The following NMRK1 variants were observed in gnomAD, a reference collection of about 807,000 sequenced individuals.
The protein encoded by NMRK1 is nicotinamide riboside kinase 1.
A neutral mutation model predicts 29.9 loss-of-function variants in NMRK1; 28 were observed. The ratio of observed to expected loss-of-function variants is 0.94; its 90% CI spans 0.69 to 1.28. NMRK1 has a LOEUF of 1.28. Ranked by LOEUF, NMRK1 falls within the 50% of genes most tolerant of loss-of-function variation. NMRK1 has a pLI of 0.00. For synonymous variants in NMRK1, 58 were observed against 73.0 expected, an observed-to-expected ratio of 0.79 and a Z score of 1.05; for missense variants, 218 against 233.1, an observed-to-expected ratio of 0.94 and a Z score of 0.42.
At chr9:75,062,331 T>C (rs1360722175) in intron 8 of NMRK1, among the ~76,000 whole-genome samples, 1 of 147,984 alleles carries the variant, frequency 6.8e-6, no homozygotes, top group African/African-American at 2.4e-5. Flanking sequence ...TTATATTTTA[T>C]ATTTAATGAG....
At chr9:75,068,452 G>A (rs1039624306) in intron 7 of NMRK1, among the ~76,000 whole-genome samples, 1 of 152,088 alleles carries the variant, frequency 6.6e-6, no homozygotes, top group Non-Finnish European at 1.5e-5. Context: ...TTCTTTCAGG[G>A]GTTTCTCATT....
At chr9:75,073,086 A>G (rs1029247899) in intron 4 of NMRK1, among the ~76,000 whole-genome samples, 1 of 152,190 alleles carries the variant, frequency 6.6e-6, no homozygotes, top group Non-Finnish European at 1.5e-5. Flanking sequence ...TTACAGATAC[A>G]ATCAGTTAAG....
At chr9:75,068,404 C>G (rs1823491523) in intron 7 of NMRK1, among the ~76,000 whole-genome samples, 1 of 152,168 alleles carries the variant, frequency 6.6e-6, no homozygotes, top group African/African-American at 2.4e-5. Context: ...ATCCACTCCC[C>G]TGGTTTTCTT....
At chr9:75,067,747 G>A (rs535994341) in intron 7 of NMRK1, among the ~76,000 whole-genome samples, 1 of 152,314 alleles carries the variant, frequency 6.6e-6, no homozygotes, top group African/African-American at 2.4e-5. Flanking sequence ...GTCCAAGTTG[G>A]ACGTGGTGCA....
intron 6 of NMRK1, chr9:75,069,447 G>A (rs1050500613): frequency 4.2e-5 from 20 of 472,678 alleles, no homozygotes; most frequent in African/African-American, 3.6e-4. Flanking sequence ...TGTAGCTGTG[G>A]CAGAACAGGC....
chr9:75,066,667 A>G, intron 8 of NMRK1, 90 bp downstream of exon 8: 1 of 805,512 alleles, frequency 1.2e-6, no homozygotes, highest in Non-Finnish European at 2.2e-6. Context: ...CTCCTACACT[A>G]GCATTCTGGT....
At chr9:75,082,547 C>T (rs1269546371) in intron 2 of NMRK1, among the ~76,000 whole-genome samples, 2 of 152,080 alleles carry the variant, frequency 1.3e-5, no homozygotes, top group Non-Finnish European at 2.9e-5. Context: ...TGCATGCCTG[C>T]CTATGGCACC....
At chr9:75,065,966 A>T (rs947760548) in intron 8 of NMRK1, among the ~76,000 whole-genome samples, 5 of 152,222 alleles carry the variant, frequency 3.3e-5, no homozygotes, top group Admixed American at 6.5e-5. Flanking sequence ...TGTTGTCAAC[A>T]GACATCAGGT....
chr9:75,069,740 A>G lies in NMRK1; in HGVS notation c.389+2T>C, dbSNP rs1350229925. The G allele has an allele frequency of 6.2e-7, 1 of 1,607,766 alleles. No individual in the cohort carries two copies. The highest frequency in any genetic ancestry group is 1.7e-5 in the Admixed American group (1 of 59,050). Reference sequence around the variant, plus strand: ...ACTCACAAAGATGGCTTCAAAACTTACCTCCTCCTCCTTTTACATTCTTCA... The same window carrying G: ...ACTCACAAAGATGGCTTCAAAACTTGCCTCCTCCTCCTTTTACATTCTTCA... On this transcript the variant is annotated splice_donor_variant, in intron 6 of 8. Transcript: ENST00000361092. LOFTEE classifies it high-confidence loss of function.
intron 1 of NMRK1, 144 bp from the exon 2 acceptor site, chr9:75,083,294 C>T (rs970839312): frequency 1.1e-5 from 7 of 618,428 alleles, no homozygotes; most frequent in African/African-American, 7.3e-5. Context: ...TCCACATTCC[C>T]GCCGCACTGG....
rs1458778266 is a variant in NMRK1 at position 75,077,591 on chromosome 9, G to T, written c.30-11C>A. The T allele has an allele frequency of 1.3e-6, 2 of 1,589,544 alleles. No homozygotes were observed. The highest frequency in any genetic ancestry group is 2.7e-5 in the African/African-American group (2 of 73,672). ...CCACTGTTTGTCACACTGAAGCAAA[G>T]AAAAAAGAAAGTACCAAGAAGGAAA... On this transcript the variant is annotated splice_polypyrimidine_tract_variant and intron_variant, in intron 2 of 8. Coordinates refer to ENST00000361092, the MANE Select transcript of NMRK1 (RefSeq NM_017881.3).
At chr9:75,062,761 G>T (rs1475686736) in intron 8 of NMRK1, among the ~76,000 whole-genome samples, 1 of 152,198 alleles carries the variant, frequency 6.6e-6, no homozygotes, top group Non-Finnish European at 1.5e-5. Context: ...GCTGAGCATG[G>T]TGGCTGATGC....
chr9:75,075,475 G>T (rs2118148592), intron 4 of NMRK1, among the ~76,000 whole-genome samples: 1 of 152,238 alleles, frequency 6.6e-6, no homozygotes, highest in Admixed American at 6.5e-5. Context: ...TTCCTAAAAG[G>T]TTATCAGTTA....
At chr9:75,073,222 G>C (rs1823799541) in intron 4 of NMRK1, among the ~76,000 whole-genome samples, 1 of 152,138 alleles carries the variant, frequency 6.6e-6, no homozygotes. Context: ...TGATGCAGCC[G>C]AAACCAAGGC....
intron 7 of NMRK1, among the ~76,000 whole-genome samples, chr9:75,068,257 A>C (rs1310046279): frequency 6.6e-6 from 1 of 152,134 alleles, no homozygotes; most frequent in African/African-American, 2.4e-5. Context: ...TAACTAAAAC[A>C]AGAATTTTTA....
chr9:75,077,950 A>G (rs939748133), intron 2 of NMRK1, among the ~76,000 whole-genome samples: 2 of 152,172 alleles, frequency 1.3e-5, no homozygotes, highest in Non-Finnish European at 2.9e-5. Flanking sequence ...ACTTTAAAAT[A>G]ATTTTTTAAG....
chr9:75,072,193 T>C (rs1823737822), intron 4 of NMRK1, among the ~76,000 whole-genome samples: 1 of 152,216 alleles, frequency 6.6e-6, no homozygotes, highest in Admixed American at 6.5e-5. Context: ...CTCCTGTATA[T>C]GTAGGAGGCA....
intron 4 of NMRK1, among the ~76,000 whole-genome samples, chr9:75,072,942 G>C (rs1480002140): frequency 1.3e-5 from 2 of 152,108 alleles, no homozygotes; most frequent in Non-Finnish European, 2.9e-5. Flanking sequence ...TAATTGTATT[G>C]TTCAAATCTG....
chr9:75,072,168 C>A (rs1347689669), intron 4 of NMRK1, among the ~76,000 whole-genome samples: 1 of 152,156 alleles, frequency 6.6e-6, no homozygotes, highest in African/African-American at 2.4e-5. Flanking sequence ...ATGGATGGTT[C>A]CATGTTGTAT....
Sources: gnomAD v4.1 joint callset for allele counts (sites outside exome capture counted in the v4.1 genomes callset) on GRCh38, gnomAD v4.1.1 for gene constraint, MANE v1.5 for transcripts, NCBI Gene and HGNC (gene_info 2026-07-23, HGNC 2026-07-21) for gene names.